Variants in BCAR3 observed in about 807,000 individuals in gnomAD.
BCAR3 encodes BCAR3 adaptor protein, NSP family member.
BCAR3 carries 37 observed loss-of-function variants against 80.1 expected under a neutral mutation model. The observed-to-expected ratio is 0.46, with a 90% CI of 0.36 to 0.61. The LOEUF (loss-of-function observed/expected upper bound fraction) is 0.61, where lower values mean the gene tolerates loss of function less well. Ranked by LOEUF, BCAR3 falls within the 20% of genes least tolerant of loss-of-function variation. The pLI, the probability that BCAR3 is intolerant of heterozygous loss-of-function variation, is 0.00. For missense variants in BCAR3, 978 were observed against 1,068.2 expected, an observed-to-expected ratio of 0.92 and a Z score of 1.18; for synonymous variants, 389 against 418.9, an observed-to-expected ratio of 0.93 and a Z score of 0.87.
chr1:93,796,415 T>G (rs1653265305), intron 2 of BCAR3, among the ~76,000 whole-genome samples: 1 of 146,722 alleles, frequency 6.8e-6, no homozygotes, highest in African/African-American at 2.7e-5. Context: ...AGTGACCTGA[T>G]TTTCCAGGTG....
intron 2 of BCAR3, among the ~76,000 whole-genome samples, chr1:93,650,851 G>A (rs1433381131): frequency 6.6e-6 from 1 of 152,132 alleles, no homozygotes; most frequent in Non-Finnish European, 1.5e-5. Flanking sequence ...TGGGAAAGAT[G>A]TGAAATCTGA....
intron 2 of BCAR3, among the ~76,000 whole-genome samples, chr1:93,752,013 G>C (rs973518145): frequency 6.6e-6 from 1 of 152,220 alleles, no homozygotes; most frequent in Non-Finnish European, 1.5e-5. Flanking sequence ...TTGAAGGTTT[G>C]CTTTGGCTTT....
chr1:93,846,556 T>C (rs886790328), intron 1 of BCAR3, among the ~76,000 whole-genome samples: 3 of 152,084 alleles, frequency 2.0e-5, no homozygotes, highest in African/African-American at 4.8e-5. Context: ...CTCAGATTCG[T>C]GGCGACCGCA....
chr1:93,805,582 C>G (rs1325347311), intron 2 of BCAR3, among the ~76,000 whole-genome samples: 1 of 92 alleles, frequency 0.011, no homozygotes, highest in Non-Finnish European at 0.021. Flanking sequence ...GCATTCCTGC[C>G]TTTAGGACCC....
intron 2 of BCAR3, among the ~76,000 whole-genome samples, chr1:93,828,720 G>C (rs1182336832): frequency 6.6e-6 from 1 of 151,896 alleles, no homozygotes; most frequent in Non-Finnish European, 1.5e-5. Context: ...TTTGAGACAG[G>C]ATCTTGCTCT....
In BCAR3 at chr1:93,589,389, C is replaced by G. The variant is rs1289790834; in HGVS notation, c.517G>C (p.Asp173His). Residue 173 changes from aspartate to histidine, a missense_variant, in exon 5 of 12, where the codon GAC becomes CAC. Coordinates refer to ENST00000260502, the MANE Select transcript of BCAR3 (RefSeq NM_003567.4). ...VSENLVQRDGDFLVRDSLSSP... is the reference protein window; with the variant it reads ...VSENLVQRDGHFLVRDSLSSP... Reference sequence around the variant, plus strand: ...GACAGAGAGTCACGAACTAGGAAGTCACCATCTCGCTGCACAAGGTTTTCA... The same window carrying G: ...GACAGAGAGTCACGAACTAGGAAGTGACCATCTCGCTGCACAAGGTTTTCA... 7 of 1,612,884 alleles carry G rather than the reference C, an allele frequency of 4.3e-6. No individual in the cohort carries two copies. The Admixed American group carries it at 1.2e-4, about 27-fold the overall frequency.
At chr1:93,641,534 A>T (rs951736312) in intron 3 of BCAR3, among the ~76,000 whole-genome samples, 2 of 152,248 alleles carry the variant, frequency 1.3e-5, no homozygotes, top group African/African-American at 4.8e-5. Context: ...AAAGAAAATA[A>T]AGCAAACAGC....
intron 2 of BCAR3, among the ~76,000 whole-genome samples, chr1:93,709,612 C>T (rs1351703274): frequency 2.6e-5 from 4 of 152,172 alleles, no homozygotes; most frequent in Non-Finnish European, 4.4e-5. Flanking sequence ...GAATGCTCAG[C>T]AGGCAGTCCC....
intron 2 of BCAR3, among the ~76,000 whole-genome samples, chr1:93,713,002 C>T (rs779914012): frequency 1.1e-3 from 175 of 152,180 alleles, no homozygotes; most frequent in Non-Finnish European, 1.8e-3. Flanking sequence ...CTTCCTTTTT[C>T]TCTAGGGCAA....
At position 93,830,167 on chromosome 1, in the gene BCAR3, A is replaced by G. The variant is rs145010138; in HGVS notation, c.-63+15400T>C. On this transcript the variant is annotated intron_variant, in intron 2 of 13. Transcript: ENST00000370244. ...AGCCAATTAAACCTCTTTTTTTTAT[A>G]AATTACCCAGTTTGGCCGGGTGTGG... 4.5e-4 allele frequency among the ~76,000 whole-genome samples: 68 copies of G among 152,228 alleles called. 1 individual carries two copies. Among genetic ancestry groups the G allele is most frequent in the Middle Eastern group, 3.4e-3 (1 of 294 alleles).
chr1:93,812,737 G>T (rs893074010), intron 2 of BCAR3, among the ~76,000 whole-genome samples: 3 of 152,176 alleles, frequency 2.0e-5, no homozygotes, highest in African/African-American at 7.2e-5. Flanking sequence ...CCTCCAGGGT[G>T]GGCTGGACAC....
chr1:93,671,355 G>C (rs1415491082), intron 2 of BCAR3, among the ~76,000 whole-genome samples: 2 of 152,160 alleles, frequency 1.3e-5, no homozygotes, highest in South Asian at 2.1e-4. Flanking sequence ...GAGCAAACTT[G>C]CAACAGAGTA....
In BCAR3 at chr1:93,584,063, C is replaced by T; in HGVS notation, c.988G>A (p.Ala330Thr). Residue 330 changes from alanine to threonine, a missense_variant, in exon 6 of 12, where the codon GCC becomes ACC. Physicochemically the swap from Ala to Thr is moderately conservative, Grantham distance 58. Transcript: ENST00000260502. ...GACTGGTGGGCTTTGAGGGACAAGG[C>T]TCTTCTGTCCTGCATGTGATCCAGG... Reference protein sequence around the residue: ...ACLDHMQDRRALSLKAHQSES... With the variant: ...ACLDHMQDRRTLSLKAHQSES... 6.2e-7 allele frequency: 1 copy of T among 1,614,156 alleles called. No individual in the cohort carries two copies. The highest frequency in any genetic ancestry group is 8.5e-7 in the Non-Finnish European group (1 of 1,180,018).
At chr1:93,668,798 G>A (rs1309770320) in intron 2 of BCAR3, among the ~76,000 whole-genome samples, 1 of 148,324 alleles carries the variant, frequency 6.7e-6, no homozygotes, top group Non-Finnish European at 1.5e-5. Flanking sequence ...TAAAACCTCC[G>A]CCTCCTGAGT....
chr1:93,834,072 C>T (rs1654677573), intron 2 of BCAR3, among the ~76,000 whole-genome samples: 1 of 152,106 alleles, frequency 6.6e-6, no homozygotes. Context: ...TCAGCCAGTC[C>T]CTCCGTTTGG....
chr1:93,599,234 C>A (rs186280331), intron 3 of BCAR3: 2 of 152,180 alleles, frequency 1.3e-5, no homozygotes, highest in African/African-American at 4.8e-5. Context: ...TGGAAGTTGC[C>A]TCACCCCCGT....
intron 2 of BCAR3, among the ~76,000 whole-genome samples, chr1:93,661,005 T>C (rs557499838): frequency 6.6e-6 from 1 of 152,100 alleles, no homozygotes; most frequent in African/African-American, 2.4e-5. Context: ...GCCTCCCAAA[T>C]AGCTGGGATT....
At chr1:93,572,575 T>A (rs1673262954) in intron 8 of BCAR3, among the ~76,000 whole-genome samples, 1 of 152,216 alleles carries the variant, frequency 6.6e-6, no homozygotes, top group South Asian at 2.1e-4. Context: ...TTTCTCCGCA[T>A]GACAACAGGA....
At chr1:93,743,390 T>C (rs946782194) in intron 2 of BCAR3, among the ~76,000 whole-genome samples, 2 of 152,210 alleles carry the variant, frequency 1.3e-5, no homozygotes, top group African/African-American at 4.8e-5. Flanking sequence ...AGTGGGCTAG[T>C]AATACAGGCA....
Sources: gnomAD v4.1 joint callset for allele counts (sites outside exome capture counted in the v4.1 genomes callset) on GRCh38, gnomAD v4.1.1 for gene constraint, MANE v1.5 for transcripts, NCBI Gene and HGNC (gene_info 2026-07-23, HGNC 2026-07-21) for gene names.